The following KDM6A variants were observed in gnomAD, a reference collection of about 807,000 sequenced individuals.
KDM6A encodes lysine-specific demethylase 6A.
A neutral mutation model predicts 117.6 loss-of-function variants in KDM6A; 11 were observed. That is an observed-to-expected ratio of 0.09 (90% CI 0.06 to 0.15). KDM6A has a LOEUF of 0.15. Among genes scored for constraint, KDM6A ranks in the 10% least tolerant of loss-of-function variants. The pLI is 1.00. For synonymous variants in KDM6A, 384 were observed against 396.1 expected, an observed-to-expected ratio of 0.97 and a Z score of 0.36; for missense variants, 799 against 1,077.3, an observed-to-expected ratio of 0.74 and a Z score of 3.62.
intron 2 of KDM6A, among the ~76,000 whole-genome samples, chrX:44,877,582 T>C (rs1023985339): frequency 9.2e-6 from 1 of 108,957 alleles, no homozygotes; most frequent in African/African-American, 3.3e-5. Context: ...AAGTAGAATA[T>C]ATACGAATAT....
At chrX:44,907,928 G>T (rs2034833289) in intron 2 of KDM6A, among the ~76,000 whole-genome samples, 1 of 108,973 alleles carries the variant, frequency 9.2e-6, no homozygotes. Context: ...AAGTGGACTT[G>T]GGCCATTCTG....
chrX:45,030,530 C>T (rs761840116), intron 6 of KDM6A, among the ~76,000 whole-genome samples: 39 of 107,007 alleles, frequency 3.6e-4, no homozygotes, highest in Non-Finnish European at 6.4e-4. Flanking sequence ...TGACCAGGAA[C>T]GTGGCTCACA....
intron 20 of KDM6A, 91 bp from the exon 21 acceptor site, chrX:45,079,055 C>G (rs952200117): frequency 1.3e-6 from 1 of 780,610 alleles, no homozygotes; most frequent in African/African-American, 2.2e-5. Flanking sequence ...CCGTAAAATG[C>G]TTTACCTTCT....
rs188172398 is a variant in KDM6A, at chrX:44,892,035, G to A, written c.225+18048G>A. Among the ~76,000 whole-genome samples, 23 of 112,161 alleles carry A rather than the reference G, an allele frequency of 2.1e-4. No homozygotes were observed. In the East Asian group the frequency reaches 4.2e-3, roughly 21 times the overall value. ...GGCTAGCAGATATTTAAGAATGTTCGCACAGGTCTTTCAATAAATTTTGCT... is the reference window on the plus strand; with the variant it reads ...GGCTAGCAGATATTTAAGAATGTTCACACAGGTCTTTCAATAAATTTTGCT... On this transcript the variant is annotated intron_variant, in intron 2 of 29. Transcript: ENST00000611820.
chrX:45,082,496 G>T, intron 21 of KDM6A, 80 bp from the exon 22 acceptor site: 2 of 636,777 alleles, frequency 3.1e-6, no homozygotes, highest in Non-Finnish European at 5.2e-6. Flanking sequence ...ATCTAGATAT[G>T]AACTTTTTTT....
intron 3 of KDM6A, among the ~76,000 whole-genome samples, chrX:44,966,615 T>A (rs141745774): frequency 0.025 from 2,808 of 110,947 alleles, 82 homozygotes; most frequent in African/African-American, 0.087. Context: ...TTTAAGTCCT[T>A]GAAAACATGT....
intron 6 of KDM6A, among the ~76,000 whole-genome samples, chrX:45,034,202 T>C (rs929517949): frequency 9.0e-6 from 1 of 111,699 alleles, no homozygotes; most frequent in Non-Finnish European, 1.9e-5. Context: ...AAACTAGATA[T>C]TAAATGTCAC....
chrX:45,086,231 A>G (rs2045634340), intron 25 of KDM6A: 1 of 306,051 alleles, frequency 3.3e-6, no homozygotes, highest in African/African-American at 2.6e-5. Flanking sequence ...AAGTTGAGTT[A>G]TTAGTTTAAT....
chrX:45,023,764 C>G, intron 6 of KDM6A, among the ~76,000 whole-genome samples: 1 of 110,668 alleles, frequency 9.0e-6, no homozygotes, highest in African/African-American at 3.3e-5. Context: ...TATACTGTAC[C>G]CAATGTGTAG....
chrX:44,873,893 G>A (rs768510839), intron 1 of KDM6A, 31 bp from the exon 2 acceptor site: 3 of 1,200,983 alleles, frequency 2.5e-6, no homozygotes, highest in South Asian at 3.5e-5. Context: ...TTCCCTGAGC[G>A]TTAACGAGTA....
chrX:45,066,481 G>T (rs2044541619), intron 17 of KDM6A, among the ~76,000 whole-genome samples: 1 of 111,790 alleles, frequency 8.9e-6, no homozygotes, highest in Non-Finnish European at 1.9e-5. Flanking sequence ...TAGAGAGGGA[G>T]AAAATGGCAA....
chrX:45,076,732 T>C lies in KDM6A; in HGVS notation c.2894T>C (p.Ile965Thr). The stretch of plus-strand genomic sequence containing the variant: ...AAAAATGGCTTATCTAACAGTAGCA[T>C]TTTGTTGGATAAATGTCCACCTCCA... Reference protein sequence around the residue: ...LGKNGLSNSSILLDKCPPPRP... With the variant: ...LGKNGLSNSSTLLDKCPPPRP... The change falls in exon 19 of 30, where the codon ATT becomes ACT. Residue 965 changes from isoleucine to threonine, a missense_variant. Physicochemically the swap from Ile to Thr is moderately conservative, Grantham distance 89 (BLOSUM62 -1). Around this residue, in one of 8 missense-constraint regions of KDM6A, gnomAD observed 291 missense variants for 437.9 expected, o/e 0.66. Coordinates refer to ENST00000611820, the MANE Select transcript of KDM6A (RefSeq NM_001291415.2). 8.4e-7 allele frequency: 1 copy of C among 1,187,213 alleles called. No individual in the cohort carries two copies. Among genetic ancestry groups the C allele is most frequent in the Non-Finnish European group, 1.1e-6 (1 of 874,403 alleles).
chrX:44,964,967 A>G (rs755300635), intron 3 of KDM6A, among the ~76,000 whole-genome samples: 19 of 112,475 alleles, frequency 1.7e-4, no homozygotes, highest in African/African-American at 5.5e-4. Flanking sequence ...TAGTGTAGCT[A>G]CCTTTATCAG....
intron 4 of KDM6A, among the ~76,000 whole-genome samples, chrX:44,977,319 T>A (rs1221450944): frequency 1.8e-5 from 2 of 111,282 alleles, no homozygotes; most frequent in African/African-American, 6.5e-5. Flanking sequence ...AGTGGTGCAA[T>A]CAGAGCTCAC....
At chrX:44,974,847 T>G in intron 4 of KDM6A, 132 bp downstream of exon 4, 1 of 523,847 alleles carries the variant, frequency 1.9e-6, no homozygotes, top group Non-Finnish European at 3.4e-6. Context: ...GGAAAGGTAT[T>G]GGAAAAGGGT....
At chrX:45,108,065 G>T (rs2046595192) in intron 28 of KDM6A, among the ~76,000 whole-genome samples, 1 of 111,590 alleles carries the variant, frequency 9.0e-6, no homozygotes, top group Admixed American at 9.5e-5. Context: ...TGTGAAGTTG[G>T]ACTTCCTGTT....
chrX:44,975,126 A>G (rs1319227469), intron 4 of KDM6A, among the ~76,000 whole-genome samples: 1 of 111,606 alleles, frequency 9.0e-6, no homozygotes. Context: ...TTCTTGGTGT[A>G]CTCTGTTTAT....
intron 2 of KDM6A, among the ~76,000 whole-genome samples, chrX:44,915,490 C>G (rs1226302764): frequency 8.9e-6 from 1 of 111,883 alleles, no homozygotes; most frequent in African/African-American, 3.2e-5. Flanking sequence ...CGTAGAAGAG[C>G]GGTATAGCTA....
At chrX:44,941,027 C>A (rs1288998851) in intron 2 of KDM6A, among the ~76,000 whole-genome samples, 3 of 110,909 alleles carry the variant, frequency 2.7e-5, no homozygotes, top group African/African-American at 9.8e-5. Flanking sequence ...AAGACCGAAA[C>A]TCTGTCTCAA....
Sources: gnomAD v4.1 joint callset for allele counts (sites outside exome capture counted in the v4.1 genomes callset) on GRCh38, gnomAD v4.1.1 for gene constraint, gnomAD v4.1.1 regional missense constraint, MANE v1.5 for transcripts, NCBI Gene and HGNC (gene_info 2026-07-23, HGNC 2026-07-21) for gene names.